DISC1: variants seen among roughly 807,000 people sequenced by gnomAD.
DISC1 encodes DISC1 scaffold protein.
DISC1 carries 57 observed loss-of-function variants against 84.5 expected under a neutral mutation model. That is an observed-to-expected ratio of 0.67 (90% CI 0.55 to 0.84). DISC1 has a LOEUF of 0.84. Among genes scored for constraint, DISC1 ranks in the 40% least tolerant of loss-of-function variants. The pLI, the probability that DISC1 is intolerant of heterozygous loss-of-function variation, is 0.00. For missense variants in DISC1, 1,000 were observed against 1,057.8 expected, an observed-to-expected ratio of 0.95 and a Z score of 0.76; for synonymous variants, 411 against 415.2, an observed-to-expected ratio of 0.99 and a Z score of 0.12.
chr1:232,015,464 G>C (rs904723111), intron 11 of DISC1, among the ~76,000 whole-genome samples: 1 of 152,084 alleles, frequency 6.6e-6, no homozygotes, highest in Non-Finnish European at 1.5e-5. Flanking sequence ...TAACAGAGGA[G>C]GTGTTATCCA....
intron 10 of DISC1, among the ~76,000 whole-genome samples, chr1:231,980,985 C>T (rs1326188859): frequency 1.3e-5 from 2 of 152,218 alleles, no homozygotes; most frequent in East Asian, 1.9e-4. Flanking sequence ...CTTGCTCTGT[C>T]ACCCAGGTGG....
At chr1:231,681,307 A>C (rs1252104886) in intron 1 of DISC1, among the ~76,000 whole-genome samples, 3 of 152,126 alleles carry the variant, frequency 2.0e-5, no homozygotes, top group African/African-American at 7.2e-5. Flanking sequence ...CATAACAAGG[A>C]GAGAAAAATT....
intron 9 of DISC1, among the ~76,000 whole-genome samples, chr1:231,837,902 A>G (rs921836693): frequency 1.3e-5 from 2 of 152,232 alleles, no homozygotes; most frequent in Non-Finnish European, 2.9e-5. Context: ...GCCACAATTG[A>G]AATATTAATA....
rs5781662 is a variant in DISC1, at chr1:231,634,921, C to CAA, written c.67+7996_67+7997dup. ...TGGACAACATAGCAAGACCCTGTCT[C>CAA]AAAAAAAAAATGAAAAAACTCCCCC... On this transcript the variant is annotated intron_variant, in intron 1 of 12. Coordinates refer to ENST00000439617, the MANE Select transcript of DISC1 (RefSeq NM_018662.3). 4.8e-3 allele frequency among the ~76,000 whole-genome samples: 719 copies of CAA among 148,248 alleles called. 4 individuals are homozygous for CAA. Among genetic ancestry groups the CAA allele is most frequent in the African/African-American group, 8.5e-3 (342 of 40,332 alleles).
At chr1:231,939,106 A>G (rs1313302529) in intron 9 of DISC1, among the ~76,000 whole-genome samples, 2 of 152,182 alleles carry the variant, frequency 1.3e-5, no homozygotes, top group Non-Finnish European at 2.9e-5. Context: ...TTTACTTACC[A>G]CTTTGCTTAT....
At chr1:231,909,597 G>A (rs1274361552) in intron 9 of DISC1, among the ~76,000 whole-genome samples, 1 of 152,062 alleles carries the variant, frequency 6.6e-6, no homozygotes, top group Non-Finnish European at 1.5e-5. Context: ...GGATATTTTT[G>A]TCGATGTTCA....
intron 6 of DISC1, among the ~76,000 whole-genome samples, chr1:231,789,887 A>G (rs201797883): frequency 1.1e-4 from 16 of 152,072 alleles, no homozygotes; most frequent in Non-Finnish European, 2.1e-4. Flanking sequence ...GCCCTTTTTC[A>G]TTTCTAATGA....
chr1:231,723,592 AAAAT>A, intron 3 of DISC1: 1 of 985,456 alleles, frequency 1.0e-6, no homozygotes, highest in South Asian at 4.7e-5. Context: ...CAAACATTTT[AAAAT>A]ATTGGTCCTA....
At position 231,694,548 on chromosome 1, in the gene DISC1, C is replaced by T. The variant is rs148973353; in HGVS notation, c.790C>T (p.Arg264Trp). The part of the protein sequence containing the change: ...GPHEDPRCLS[R>W]PFSLLATRVS... Reference sequence around the variant, plus strand: ...TCACGAGGACCCGCGATGTCTCTCTCGGCCCTTCAGTCTCTTGGCTACACG... The same window carrying T: ...TCACGAGGACCCGCGATGTCTCTCTTGGCCCTTCAGTCTCTTGGCTACACG... The change falls in exon 2 of 13, where the codon CGG becomes TGG. Residue 264 changes from arginine to tryptophan, a missense_variant. Around this residue, in one of 3 missense-constraint regions of DISC1, gnomAD observed 311 missense variants for 400.1 expected, o/e 0.78. Transcript: ENST00000439617. 72 of 1,614,076 alleles carry T rather than the reference C, an allele frequency of 4.5e-5. No homozygotes were observed. The highest frequency in any genetic ancestry group is 1.6e-4 in the Middle Eastern group (1 of 6,084).
At chr1:232,004,483 G>T (rs1166896821) in intron 10 of DISC1, among the ~76,000 whole-genome samples, 1 of 151,872 alleles carries the variant, frequency 6.6e-6, no homozygotes, top group Non-Finnish European at 1.5e-5. Flanking sequence ...TTTATATAAA[G>T]GATATAAAAT....
At chr1:231,864,953 T>G (rs2125933065) in intron 9 of DISC1, among the ~76,000 whole-genome samples, 1 of 152,298 alleles carries the variant, frequency 6.6e-6, no homozygotes, top group Non-Finnish European at 1.5e-5. Context: ...CCTTTGAAAG[T>G]TTCTCAGTTA....
At chr1:231,703,370 A>C (rs1039324859) in intron 3 of DISC1, among the ~76,000 whole-genome samples, 3 of 152,204 alleles carry the variant, frequency 2.0e-5, no homozygotes, top group Non-Finnish European at 4.4e-5. Flanking sequence ...CAGCCCGGGC[A>C]CAGCTGTAGG....
At chr1:231,783,421 G>C (rs915131308) in intron 6 of DISC1, among the ~76,000 whole-genome samples, 1 of 152,116 alleles carries the variant, frequency 6.6e-6, no homozygotes, top group African/African-American at 2.4e-5. Flanking sequence ...TCTGATTCCT[G>C]TTCTCATTTT....
chr1:231,932,593 A>G (rs545019644), intron 9 of DISC1, among the ~76,000 whole-genome samples: 1 of 152,110 alleles, frequency 6.6e-6, no homozygotes, highest in African/African-American at 2.4e-5. Flanking sequence ...ATGCTCTTTC[A>G]CTCTGCTTCA....
rs545274192 is a variant in DISC1 at position 231,831,228 on chromosome 1, C to G, written c.1981+12711C>G. Among the ~76,000 whole-genome samples the G allele has an allele frequency of 2.6e-5, 4 of 152,164 alleles. No homozygotes were observed. In the South Asian group the frequency reaches 6.2e-4, roughly 24 times the overall value. ...GGAAGGGAGGAGGCCTGAACAATCC[C>G]CAAGGGGTAGTAGAATAGCAGATGG... On this transcript the variant is annotated intron_variant, in intron 9 of 12. Coordinates refer to ENST00000439617, the MANE Select transcript of DISC1 (RefSeq NM_018662.3).
At chr1:231,950,157 C>A (rs1658057793) in intron 9 of DISC1, among the ~76,000 whole-genome samples, 1 of 150,782 alleles carries the variant, frequency 6.6e-6, no homozygotes, top group Non-Finnish European at 1.5e-5. Flanking sequence ...AACAAAGTCC[C>A]AAATTTTCTT....
chr1:231,735,382 T>C (rs1663507666), intron 3 of DISC1, among the ~76,000 whole-genome samples: 1 of 152,252 alleles, frequency 6.6e-6, no homozygotes, highest in Non-Finnish European at 1.5e-5. Flanking sequence ...TTTTTTTGTT[T>C]GTTTCTGTTG....
At chr1:231,669,381 A>G (rs2062344353) in intron 1 of DISC1, among the ~76,000 whole-genome samples, 1 of 152,222 alleles carries the variant, frequency 6.6e-6, no homozygotes, top group Non-Finnish European at 1.5e-5. Flanking sequence ...AATTGGATCT[A>G]ATTAAACTTA....
intron 9 of DISC1, among the ~76,000 whole-genome samples, chr1:231,830,674 A>G (rs2125816092): frequency 6.6e-6 from 1 of 152,316 alleles, no homozygotes; most frequent in Middle Eastern, 3.4e-3. Flanking sequence ...GCACAGTCCA[A>G]GTTGGTCTGG....
Sources: allele counts gnomAD v4.1 joint callset (sites outside exome capture counted in the v4.1 genomes callset), GRCh38; gene constraint gnomAD v4.1.1; regional missense constraint gnomAD v4.1.1; transcripts MANE v1.5; gene names NCBI Gene and HGNC (gene_info 2026-07-23, HGNC 2026-07-21).